The following TOMM70 variants were observed in gnomAD, a reference collection of about 807,000 sequenced individuals.
TOMM70 encodes mitochondrial import receptor subunit TOM70.
TOMM70 carries 13 observed loss-of-function variants against 73.6 expected under a neutral mutation model. The observed-to-expected ratio is 0.18, with a 90% CI of 0.11 to 0.28. TOMM70 has a LOEUF of 0.28. Among genes scored for constraint, TOMM70 ranks in the 10% least tolerant of loss-of-function variants. TOMM70 has a pLI of 1.00. For missense variants in TOMM70, 609 were observed against 747.5 expected (o/e 0.81, Z 2.16); for synonymous variants, 257 against 271.2 (o/e 0.95, Z 0.51).
intron 5 of TOMM70, among the ~76,000 whole-genome samples, chr3:100,378,386 G>A (rs1182023675): frequency 6.6e-6 from 1 of 152,182 alleles, no homozygotes; most frequent in African/African-American, 2.4e-5. Context: ...GGGGTGGGGA[G>A]GGGCGGTGCG....
rs1469213265 is a variant in TOMM70, at chr3:100,368,243, TTTC to T, written c.1551-80_1551-78del. On this transcript the variant is annotated intron_variant, in intron 10 of 11. Coordinates refer to ENST00000284320, the MANE Select transcript of TOMM70 (RefSeq NM_014820.5). ...ATACACACACATTAATATGACTCAA[TTTC>T]TGCCTTCAATGAACTTATAAGTTAA... The T allele has an allele frequency of 2.0e-6, 3 of 1,486,690 alleles. No homozygotes were observed. The African/African-American group carries it at 4.3e-5, about 21-fold the overall frequency. 92.1% of individuals were successfully genotyped at this position (1,486,690 alleles called of 1,614,324 possible).
chr3:100,400,321 A>T (rs1486404202), intron 1 of TOMM70, among the ~76,000 whole-genome samples: 5 of 152,196 alleles, frequency 3.3e-5, no homozygotes, highest in African/African-American at 4.8e-5. Flanking sequence ...CTTATTAAAT[A>T]CAATCATCAC....
chr3:100,395,496 T>A (rs1706815447), intron 1 of TOMM70, among the ~76,000 whole-genome samples: 1 of 147,310 alleles, frequency 6.8e-6, no homozygotes, highest in Non-Finnish European at 1.5e-5. Flanking sequence ...TGAGCAGAGA[T>A]TGCACCACTG....
In TOMM70 at chr3:100,364,005, C is replaced by T. The variant is rs988828022; in HGVS notation, c.*1559G>A. The T allele has an allele frequency of 2.0e-5, 3 of 152,144 alleles. No homozygotes were observed. The highest frequency in any genetic ancestry group is 7.2e-5 in the African/African-American group (3 of 41,416). The allele number at this position is 152,144 out of a possible 1,614,324, so 9.4% of individuals were successfully genotyped here. ...ACCCTTAAGGGGTGTAAAAATGCTC[C>T]TTTACTCCCAACAGTGTAAACCATA... On this transcript the variant is annotated 3_prime_UTR_variant, in exon 12 of 12. Coordinates refer to ENST00000284320, the MANE Select transcript of TOMM70 (RefSeq NM_014820.5).
chr3:100,388,991 C>T (rs1335060299), intron 1 of TOMM70, among the ~76,000 whole-genome samples: 1 of 151,406 alleles, frequency 6.6e-6, no homozygotes, highest in Non-Finnish European at 1.5e-5. Context: ...CCAGAAGTTC[C>T]ATCATTTGCC....
intron 1 of TOMM70, among the ~76,000 whole-genome samples, chr3:100,394,644 C>T (rs895329102): frequency 2.0e-5 from 3 of 152,086 alleles, no homozygotes; most frequent in Admixed American, 1.3e-4. Flanking sequence ...GCTGGGATTA[C>T]AGAAACCCAC....
At chr3:100,370,178 T>A (rs1706493610) in intron 9 of TOMM70, among the ~76,000 whole-genome samples, 1 of 152,186 alleles carries the variant, frequency 6.6e-6, no homozygotes. Flanking sequence ...GTAGAAATAT[T>A]TTTATAGCTT....
At chr3:100,391,675 A>G (rs1321783382) in intron 1 of TOMM70, among the ~76,000 whole-genome samples, 4 of 152,202 alleles carry the variant, frequency 2.6e-5, no homozygotes, top group African/African-American at 9.7e-5. Context: ...GAGATTAAGC[A>G]ATCCTCCCAC....
chr3:100,375,689 ATGC>A (rs1013564363), intron 6 of TOMM70, among the ~76,000 whole-genome samples: 3 of 152,202 alleles, frequency 2.0e-5, no homozygotes, highest in African/African-American at 7.2e-5. Flanking sequence ...ACCATAAATA[ATGC>A]TGCTATGAAC....
chr3:100,389,153 T>TC (rs1480582607), intron 1 of TOMM70, among the ~76,000 whole-genome samples: 1 of 152,008 alleles, frequency 6.6e-6, no homozygotes, highest in African/African-American at 2.4e-5. Flanking sequence ...AGAAAAACAA[T>TC]CCAGTGCCAG....
intron 1 of TOMM70, among the ~76,000 whole-genome samples, chr3:100,388,910 A>G (rs1468571068): frequency 6.6e-6 from 1 of 152,192 alleles, no homozygotes; most frequent in African/African-American, 2.4e-5. Flanking sequence ...GGGAAACCTG[A>G]CAGAATGCCA....
At chr3:100,387,073 G>T in intron 1 of TOMM70, 95 bp from the exon 2 acceptor site, 1 of 1,291,204 alleles carries the variant, frequency 7.7e-7, no homozygotes, top group Non-Finnish European at 1.1e-6. Context: ...CAGGAAGACA[G>T]AATGGCTGTT....
In TOMM70 at chr3:100,400,771, C is replaced by T; in HGVS notation, c.179G>A (p.Ser60Asn). 1.3e-6 allele frequency: 2 copies of T among 1,581,410 alleles called. No homozygotes were observed. The highest frequency in any genetic ancestry group is 1.7e-6 in the Non-Finnish European group (2 of 1,168,314). The change falls in exon 1 of 12, where the codon AGT becomes AAT. Residue 60 changes from serine to asparagine, a missense_variant. Coordinates refer to ENST00000284320, the MANE Select transcript of TOMM70 (RefSeq NM_014820.5). ...GGCCTCCCGGCGCCGTTGCTGCCGA[C>T]TCCACAGGTATATGGCACCCGCGCC... ...LLGAGAIYLW[S>N]RQQRRREARG...
chr3:100,400,842 C>A lies in TOMM70; in HGVS notation c.108G>T (p.Leu36=), dbSNP rs1396931267. The change falls in exon 1 of 12, where the codon CTG becomes CTT. Residue 36 remains leucine, a synonymous_variant. Transcript: ENST00000284320. ...CCGCCAGAGCCAGCTGCCATCGCGG[C>A]AGCCCCCCCGTGCCCGGGCCCGCAG... ...GGTAGPGTGG[L]PRWQLALAVG... is the part of the protein sequence containing the mutation. 1 of 1,523,488 alleles carries A rather than the reference C, an allele frequency of 6.6e-7. No homozygotes were observed. The highest frequency in any genetic ancestry group is 8.7e-7 in the Non-Finnish European group (1 of 1,142,932). The allele number at this position is 1,523,488 out of a possible 1,614,324, so 94.4% of individuals were successfully genotyped here.
intron 5 of TOMM70, among the ~76,000 whole-genome samples, chr3:100,378,373 G>A (rs1414135002): frequency 6.6e-6 from 1 of 152,052 alleles, no homozygotes; most frequent in Non-Finnish European, 1.5e-5. Flanking sequence ...GTGGCATGGG[G>A]TTGGGGTGGG....
chr3:100,392,901 G>C (rs1157112526), intron 1 of TOMM70, among the ~76,000 whole-genome samples: 1 of 152,078 alleles, frequency 6.6e-6, no homozygotes, highest in African/African-American at 2.4e-5. Flanking sequence ...AACTGGCCAG[G>C]CACGGTGGCT....
intron 5 of TOMM70, among the ~76,000 whole-genome samples, chr3:100,378,568 G>C (rs1706592259): frequency 1.3e-5 from 2 of 152,180 alleles, no homozygotes; most frequent in African/African-American, 4.8e-5. Flanking sequence ...TAAGGATCCT[G>C]TCTTATTCAC....
At chr3:100,394,705 G>A (rs1706802302) in intron 1 of TOMM70, among the ~76,000 whole-genome samples, 2 of 152,012 alleles carry the variant, frequency 1.3e-5, no homozygotes, top group South Asian at 4.1e-4. Flanking sequence ...GTTTCACCAT[G>A]TTGGCCAGGC....
chr3:100,375,049 T>G lies in TOMM70; in HGVS notation c.1196A>C (p.Gln399Pro), dbSNP rs945536542. 1.2e-6 allele frequency: 2 copies of G among 1,608,776 alleles called. No individual in the cohort carries two copies. Among genetic ancestry groups the G allele is most frequent in the African/African-American group, 2.7e-5 (2 of 74,696 alleles). The change falls in exon 7 of 12, where the codon CAG (glutamine) becomes CCG (proline). Residue 399 changes from glutamine (Q) to proline (P), a missense_variant. By Grantham distance (76) the Gln-to-Pro change is moderately conservative. Transcript: ENST00000284320. ...DFNMAADIDP[Q>P]NADVYHHRGQ... ...TCGGTGGTGATAAACATCTGCATTC[T>G]GAGGATCGATGTCAGCAGCCATGTT...
Sources: gnomAD v4.1 joint callset for allele counts (sites outside exome capture counted in the v4.1 genomes callset) on GRCh38, gnomAD v4.1.1 for gene constraint, MANE v1.5 for transcripts, NCBI Gene and HGNC (gene_info 2026-07-23, HGNC 2026-07-21) for gene names.